The following ZNF804B variants were observed in gnomAD, a reference collection of about 807,000 sequenced individuals.
ZNF804B encodes the protein zinc finger protein 804B, also known as zinc finger 804B.
In ZNF804B, 80 loss-of-function variants were observed where a neutral mutation model predicts 101.4. That is an observed-to-expected ratio of 0.79 (90% CI 0.66 to 0.95). The LOEUF is 0.95. Among genes scored for constraint, ZNF804B ranks in the 40% least tolerant of loss-of-function variants. The pLI, the probability that ZNF804B is intolerant of heterozygous loss-of-function variation, is 0.00. For synonymous variants in ZNF804B, 622 were observed against 558.8 expected (o/e 1.11, Z -1.59); for missense variants, 1,673 against 1,561.9 (o/e 1.07, Z -1.20).
chr7:89,336,862 A>C lies in ZNF804B; in HGVS notation c.3880A>C (p.Thr1294Pro). The C allele has an allele frequency of 6.2e-7, 1 of 1,613,952 alleles. No homozygotes were observed. Among genetic ancestry groups the C allele is most frequent in the East Asian group, 2.2e-5 (1 of 44,858 alleles). The stretch of plus-strand genomic sequence containing the variant: ...TCTGCCCCCTACAGCATTTATTCCT[A>C]CATTGTTTGGTCCTCACTTAAATCC... ...QPLPPTAFIPTLFGPHLNPAT... is the reference protein window; with the variant it reads ...QPLPPTAFIPPLFGPHLNPAT... Residue 1294 changes from threonine (T) to proline (P), a missense_variant, in exon 4 of 4, where the codon ACA becomes CCA. Thr to Pro is a conservative substitution (Grantham distance 38). Coordinates refer to ENST00000333190, the MANE Select transcript of ZNF804B (RefSeq NM_181646.5).
intron 1 of ZNF804B, among the ~76,000 whole-genome samples, chr7:88,868,044 T>A (rs1009666160): frequency 8.0e-6 from 1 of 124,948 alleles, no homozygotes; most frequent in Non-Finnish European, 1.6e-5. Context: ...TGTGTGTGTG[T>A]GTGAGTGTGT....
chr7:89,004,410 ATTAC>A (rs1788340426), intron 1 of ZNF804B, among the ~76,000 whole-genome samples: 1 of 151,950 alleles, frequency 6.6e-6, no homozygotes, highest in Non-Finnish European at 1.5e-5. Flanking sequence ...GAACAGTTGA[ATTAC>A]TTACACAGGG....
chr7:89,198,620 T>A (rs977565068), intron 1 of ZNF804B, among the ~76,000 whole-genome samples: 5 of 152,114 alleles, frequency 3.3e-5, no homozygotes, highest in African/African-American at 1.2e-4. Context: ...TACAGAGTGA[T>A]TAAACATTAT....
At chr7:89,069,829 T>G (rs1363096732) in intron 1 of ZNF804B, among the ~76,000 whole-genome samples, 3 of 152,198 alleles carry the variant, frequency 2.0e-5, no homozygotes, top group Admixed American at 2.0e-4. Flanking sequence ...CCTTGGAAGA[T>G]TATTTCTTTT....
At chr7:89,163,349 A>T (rs1179044276) in intron 1 of ZNF804B, among the ~76,000 whole-genome samples, 2 of 152,068 alleles carry the variant, frequency 1.3e-5, no homozygotes, top group African/African-American at 2.4e-5. Context: ...TTGTTTGTTG[A>T]ATGTCACTTT....
chr7:88,798,805 G>A (rs1249506683), intron 1 of ZNF804B, among the ~76,000 whole-genome samples: 1 of 152,058 alleles, frequency 6.6e-6, no homozygotes, highest in Non-Finnish European at 1.5e-5. Flanking sequence ...AGCTTTAAGT[G>A]CCCAGGTGCC....
At chr7:88,800,861 A>C (rs1420294193) in intron 1 of ZNF804B, among the ~76,000 whole-genome samples, 3 of 151,916 alleles carry the variant, frequency 2.0e-5, no homozygotes, top group Non-Finnish European at 4.4e-5. Flanking sequence ...AAATTTGTTA[A>C]ACTGAAGATT....
intron 1 of ZNF804B, among the ~76,000 whole-genome samples, chr7:88,771,226 G>A (rs1790056339): frequency 6.6e-6 from 1 of 151,476 alleles, no homozygotes. Context: ...AATTCCTAGG[G>A]AAAAAAGCAT....
chr7:89,073,657 G>A lies in ZNF804B; in HGVS notation c.109-144498G>A, dbSNP rs116979950. Among the ~76,000 whole-genome samples the A allele has an allele frequency of 7.4e-3, 1,119 of 151,904 alleles. 10 individuals carry two copies. The highest frequency in any genetic ancestry group is 0.02 in the Middle Eastern group (6 of 294). ...TACCACCTTCAATTTTGTGGTATTG[G>A]TGTCACTAGATTCGTAATCAAATGT... On this transcript the variant is annotated intron_variant, in intron 1 of 3. Coordinates refer to ENST00000333190, the MANE Select transcript of ZNF804B (RefSeq NM_181646.5).
At chr7:89,040,688 TCC>T (rs1789003699) in intron 1 of ZNF804B, among the ~76,000 whole-genome samples, 1 of 152,202 alleles carries the variant, frequency 6.6e-6, no homozygotes, top group Non-Finnish European at 1.5e-5. Context: ...TTATTTGTAA[TCC>T]TGTGGACTTG....
At chr7:88,850,875 T>C (rs761145136) in intron 1 of ZNF804B, among the ~76,000 whole-genome samples, 48 of 152,182 alleles carry the variant, frequency 3.2e-4, no homozygotes, top group Admixed American at 9.2e-4. Context: ...TATTAAAACA[T>C]TTATTATAAC....
chr7:88,931,581 C>T (rs1425155378), intron 1 of ZNF804B, among the ~76,000 whole-genome samples: 1 of 151,826 alleles, frequency 6.6e-6, no homozygotes, highest in Non-Finnish European at 1.5e-5. Context: ...GGACATATCT[C>T]CTTAGTGTAA....
chr7:88,794,145 T>C (rs1562795029), intron 1 of ZNF804B: 2 of 1,519,210 alleles, frequency 1.3e-6, no homozygotes, highest in South Asian at 2.6e-5. Context: ...TAGCACAAAC[T>C]CCTTAAGAGA....
In ZNF804B at chr7:89,144,287, G is replaced by A. The variant is rs143161668; in HGVS notation, c.109-73868G>A. Among the ~76,000 whole-genome samples the A allele has an allele frequency of 2.2e-3, 330 of 151,914 alleles. 2 individuals carry two copies. Among genetic ancestry groups the A allele is most frequent in the Non-Finnish European group, 3.8e-3 (255 of 67,922 alleles). Reference sequence around the variant, plus strand: ...TGAGAAAAAAGTCATACAAATAGTCGTAAGCTTTAAGATCTGGATTAATAT... The same window carrying A: ...TGAGAAAAAAGTCATACAAATAGTCATAAGCTTTAAGATCTGGATTAATAT... On this transcript the variant is annotated intron_variant, in intron 1 of 3. Transcript: ENST00000333190.
At chr7:89,189,936 G>A (rs13234653) in intron 1 of ZNF804B, among the ~76,000 whole-genome samples, 40,081 of 151,818 alleles carry the variant, frequency 0.26, 5,805 homozygotes, top group African/African-American at 0.38. Flanking sequence ...TGATGGATCC[G>A]GGAAAGGTAA....
chr7:89,308,523 T>C (rs970846212), intron 2 of ZNF804B, among the ~76,000 whole-genome samples: 15 of 152,200 alleles, frequency 9.9e-5, no homozygotes, highest in Admixed American at 7.2e-4. Flanking sequence ...AATATATTAC[T>C]AACAGTTAAA....
chr7:89,023,606 C>G (rs28415404), intron 1 of ZNF804B, among the ~76,000 whole-genome samples: 1 of 151,876 alleles, frequency 6.6e-6, no homozygotes, highest in Non-Finnish European at 1.5e-5. Flanking sequence ...TGTAGACTTG[C>G]GAAAGTCTTA....
At chr7:88,822,746 T>C (rs189801089) in intron 1 of ZNF804B, among the ~76,000 whole-genome samples, 27 of 152,248 alleles carry the variant, frequency 1.8e-4, no homozygotes, top group Admixed American at 5.9e-4. Context: ...TAAATACAAA[T>C]AAAATAAGCA....
chr7:88,769,775 T>C (rs1320827719), intron 1 of ZNF804B, among the ~76,000 whole-genome samples: 2 of 152,218 alleles, frequency 1.3e-5, no homozygotes, highest in Non-Finnish European at 2.9e-5. Flanking sequence ...GGTTGTATCA[T>C]AATTGTTAAG....
Sources: gnomAD v4.1 joint callset for allele counts (sites outside exome capture counted in the v4.1 genomes callset) on GRCh38, gnomAD v4.1.1 for gene constraint, MANE v1.5 for transcripts, NCBI Gene and HGNC (gene_info 2026-07-23, HGNC 2026-07-21) for gene names.